The following ETS2 variants were observed in gnomAD, a reference collection of about 807,000 sequenced individuals.
ETS2 encodes the protein protein C-ets-2.
A neutral mutation model predicts 54.9 loss-of-function variants in ETS2; 19 were observed. The observed-to-expected ratio is 0.35, with a 90% CI of 0.24 to 0.51. The LOEUF (loss-of-function observed/expected upper bound fraction) is 0.51. Ranked by LOEUF, ETS2 falls within the 20% of genes least tolerant of loss-of-function variation. ETS2 has a pLI of 0.97. For missense variants in ETS2, 417 were observed against 593.0 expected, an observed-to-expected ratio of 0.70 and a Z score of 3.08; for synonymous variants, 219 against 229.3, an observed-to-expected ratio of 0.95 and a Z score of 0.41.
Position 38,813,033 on chromosome 21 carries a change from T to A in ETS2, c.103T>A (p.Ser35Thr). The A allele has an allele frequency of 6.2e-7, 1 of 1,614,132 alleles. No homozygotes were observed. The highest frequency in any genetic ancestry group is 8.5e-7 in the Non-Finnish European group (1 of 1,179,956). The part of the protein sequence containing the change: ...RQPAFDTFDG[S>T]LFAVFPSLNE... ...GCCAGCCTTTGACACCTTTGATGGGTCCCTGTTTGCTGTTTTTCCTTCTCT... is the reference window on the plus strand; with the variant it reads ...GCCAGCCTTTGACACCTTTGATGGGACCCTGTTTGCTGTTTTTCCTTCTCT... The change falls in exon 3 of 10, where the codon TCC (serine) becomes ACC (threonine). Residue 35 changes from serine to threonine, a missense_variant. Coordinates refer to ENST00000360938, the MANE Select transcript of ETS2 (RefSeq NM_005239.6).
At chr21:38,812,519 G>T (rs187012366) in intron 2 of ETS2, among the ~76,000 whole-genome samples, 1 of 152,332 alleles carries the variant, frequency 6.6e-6, no homozygotes, top group African/African-American at 2.4e-5. Flanking sequence ...CGTGGCTCAC[G>T]CCTGTAATCC....
intron 5 of ETS2, among the ~76,000 whole-genome samples, 160 bp downstream of exon 5, chr21:38,815,141 GCAGT>G (rs1293429116): frequency 6.6e-6 from 1 of 151,904 alleles, no homozygotes; most frequent in African/African-American, 2.4e-5. Flanking sequence ...CAGATATATG[GCAGT>G]GATTATAGAT....
In ETS2 at chr21:38,813,126, C is replaced by A; in HGVS notation, c.184+12C>A. 1.3e-6 allele frequency: 2 copies of A among 1,526,254 alleles called. No homozygotes were observed. Among genetic ancestry groups the A allele is most frequent in the Non-Finnish European group, 1.8e-6 (2 of 1,099,730 alleles). 94.5% of individuals were successfully genotyped at this position (1,526,254 alleles called of 1,614,324 possible). ...TTCCATTTCTCATGGTAATTGGTTC[C>A]TCAGACTTGACAAATTGTGCATGAT... On this transcript the variant is annotated intron_variant, in intron 3 of 9. Transcript: ENST00000360938.
rs2060925431 is a variant in ETS2 at position 38,814,512 on chromosome 21, G to A, written c.304+120G>A. On this transcript the variant is annotated intron_variant, in intron 4 of 9. Transcript: ENST00000360938. The surrounding 1 kb of genome is among the most constrained non-coding windows in gnomAD (Gnocchi z 4.2). ...GTATTCTGCAAAGAGTAGCATGGATGTCGTTAACCTGAGCCAGTTTCTGTT... is the reference window on the plus strand; with the variant it reads ...GTATTCTGCAAAGAGTAGCATGGATATCGTTAACCTGAGCCAGTTTCTGTT... 7.9e-7 allele frequency: 1 copy of A among 1,262,620 alleles called. No homozygotes were observed. The highest frequency in any genetic ancestry group is 1.1e-6 in the Non-Finnish European group (1 of 911,094). 78.2% of individuals were successfully genotyped at this position (1,262,620 alleles called of 1,614,324 possible).
At chr21:38,820,131 G>A (rs549412401) in intron 8 of ETS2, among the ~76,000 whole-genome samples, 18 of 152,330 alleles carry the variant, frequency 1.2e-4, no homozygotes, top group African/African-American at 3.8e-4. Context: ...AGCAGAGCCA[G>A]TCTCAAATAA....
rs1362016995 is a variant in ETS2 at position 38,813,061 on chromosome 21, A to G, written c.131A>G (p.Asn44Ser). The stretch of plus-strand genomic sequence containing the variant: ...CTGTTTGCTGTTTTTCCTTCTCTAA[A>G]TGAAGAGCAAACACTGCAAGAAGTG... ...GSLFAVFPSL[N>S]EEQTLQEVPT... The change falls in exon 3 of 10, where the codon AAT becomes AGT. Residue 44 changes from asparagine (N) to serine (S), a missense_variant. This residue lies in a region of ETS2 where 326 missense variants were observed against 426.1 expected (regional missense o/e 0.76). Coordinates refer to ENST00000360938, the MANE Select transcript of ETS2 (RefSeq NM_005239.6). The G allele has an allele frequency of 1.2e-6, 2 of 1,614,122 alleles. No individual in the cohort carries two copies. The highest frequency in any genetic ancestry group is 1.3e-5 in the African/African-American group (1 of 75,032).
rs1569019608 is a variant in ETS2 at position 38,806,049 on chromosome 21, G to GCCCTCGCCCT, written c.-71_-70insCCTCGCCCTC. ...GCCGGCGCCCTCGCCCTCGCCCGGCGCGCACCGAGCAGCCGCGGGCGCCGA... is the reference window on the plus strand; with the variant it reads ...GCCGGCGCCCTCGCCCTCGCCCGGCGCCCTCGCCCTCGCACCGAGCAGCCGCGGGCGCCGA... On this transcript the variant is annotated 5_prime_UTR_variant, in exon 1 of 10. Transcript: ENST00000360938. The surrounding 1 kb of genome is among the most constrained non-coding windows in gnomAD (Gnocchi z 4.3). The GCCCTCGCCCT allele has an allele frequency of 8.3e-7, 1 of 1,205,744 alleles. No homozygotes were observed. 74.7% of individuals were successfully genotyped at this position (1,205,744 alleles called of 1,614,324 possible). A position where few individuals can be genotyped will look rare whatever the true frequency, so the allele number is the denominator to read the frequency against.
intron 2 of ETS2, among the ~76,000 whole-genome samples, chr21:38,811,380 T>C (rs561408342): frequency 3.9e-4 from 60 of 152,346 alleles, no homozygotes; most frequent in Non-Finnish European, 7.8e-4. Context: ...CAGTTGGTCA[T>C]CATTGACTTG....
At position 38,805,947 on chromosome 21, in the gene ETS2, C is replaced by A; in HGVS notation, c.-174C>A. On this transcript the variant is annotated 5_prime_UTR_variant, in exon 1 of 10. In the 5' UTR this introduces an upstream ATG that the reference lacks. Transcript: ENST00000360938. This position sits in a 1 kb window ranked among gnomAD's most constrained non-coding sequence, Gnocchi z 5.2. ...ACGGCCCGGTTACTTCCTCCAGAGACTGACGAGTGCGGTGTCGCTCCAGCT... is the reference window on the plus strand; with the variant it reads ...ACGGCCCGGTTACTTCCTCCAGAGAATGACGAGTGCGGTGTCGCTCCAGCT... The A allele has an allele frequency of 7.9e-7, 1 of 1,269,342 alleles. No individual in the cohort carries two copies. Among genetic ancestry groups the A allele is most frequent in the Non-Finnish European group, 1.0e-6 (1 of 981,270 alleles). 78.6% of individuals were successfully genotyped at this position (1,269,342 alleles called of 1,614,324 possible).
rs1273946656 is a variant in ETS2 at position 38,817,041 on chromosome 21, A to G, written c.539A>G (p.Glu180Gly). 1.2e-6 allele frequency: 2 copies of G among 1,612,934 alleles called. No homozygotes were observed. The highest frequency in any genetic ancestry group is 2.7e-5 in the African/African-American group (2 of 74,922). The stretch of plus-strand genomic sequence containing the variant: ...GAAAAGACAGAAGATCAATATGAAG[A>G]AAATTCACACCTCACCTCCGTTCCT... ...NQEKTEDQYE[E>G]NSHLTSVPHW... The change falls in exon 6 of 10, where the codon GAA (glutamate) becomes GGA (glycine). Residue 180 changes from glutamate to glycine, a missense_variant. Transcript: ENST00000360938.
At chr21:38,817,439 T>C (rs1012787368) in intron 6 of ETS2, among the ~76,000 whole-genome samples, 1 of 152,250 alleles carries the variant, frequency 6.6e-6, no homozygotes, top group Non-Finnish European at 1.5e-5. Context: ...TTTGCTTTTT[T>C]AATATGGCCA....
chr21:38,822,222 G>A (rs916231075), intron 9 of ETS2, among the ~76,000 whole-genome samples: 6 of 152,214 alleles, frequency 3.9e-5, no homozygotes, highest in African/African-American at 7.2e-5. Flanking sequence ...GCACTGGGGA[G>A]CGTAATCTGT....
In ETS2 at chr21:38,806,596, C is replaced by G. The variant is rs931790211; in HGVS notation, c.-1+476C>G. The stretch of plus-strand genomic sequence containing the variant: ...TGACTTCCTGGAGCGGCGCCGGGCC[C>G]GGAGGATCTGGGGCGCCCAAGACAC... On this transcript the variant is annotated intron_variant, in intron 1 of 9. Transcript: ENST00000360938. The surrounding 1 kb of genome is among the most constrained non-coding windows in gnomAD (Gnocchi z 4.3). The G allele has an allele frequency of 2.0e-6, 2 of 985,280 alleles. No homozygotes were observed. The highest frequency in any genetic ancestry group is 2.4e-6 in the Non-Finnish European group (2 of 829,934). 61.0% of individuals were successfully genotyped at this position (985,280 alleles called of 1,614,324 possible).
chr21:38,814,461 A>C lies in ETS2; in HGVS notation c.304+69A>C. 1 of 1,580,658 alleles carries C rather than the reference A, an allele frequency of 6.3e-7. No individual in the cohort carries two copies. On this transcript the variant is annotated intron_variant, in intron 4 of 9. Coordinates refer to ENST00000360938, the MANE Select transcript of ETS2 (RefSeq NM_005239.6). This position sits in a 1 kb window ranked among gnomAD's most constrained non-coding sequence, Gnocchi z 4.2. ...ACTTCAGTGCAGTTGTTTGATCTTG[A>C]CTTGTTTATTAAGCTTTTGCTTGGG... is the stretch of plus-strand genomic sequence containing the variant.
chr21:38,807,926 C>T (rs1212823192), intron 1 of ETS2, among the ~76,000 whole-genome samples: 1 of 152,192 alleles, frequency 6.6e-6, no homozygotes, highest in African/African-American at 2.4e-5. Context: ...TTTCTTTAAT[C>T]AGCAGCTACC....
chr21:38,815,658 C>G (rs1054143147), intron 5 of ETS2, among the ~76,000 whole-genome samples: 1 of 151,454 alleles, frequency 6.6e-6, no homozygotes, highest in Non-Finnish European at 1.5e-5. Context: ...GGGCCAGGTG[C>G]GGTGGCTCAC....
chr21:38,805,909 C>T (rs2060890116), upstream of ETS2: 4 of 1,236,778 alleles, frequency 3.2e-6, no homozygotes, highest in Admixed American at 5.6e-5. This position sits in a 1 kb window ranked among gnomAD's most constrained non-coding sequence, Gnocchi z 5.2. Flanking sequence ...CTGAAGAGCG[C>T]GCCGCGTGGG....
intron 2 of ETS2, among the ~76,000 whole-genome samples, 153 bp downstream of exon 2, chr21:38,810,259 G>C (rs1315826145): frequency 6.6e-6 from 1 of 152,080 alleles, no homozygotes; most frequent in Non-Finnish European, 1.5e-5. Context: ...TACTTGCTCT[G>C]GTCCTCAGTT....
chr21:38,806,783 C>T lies in ETS2; in HGVS notation c.-1+663C>T, dbSNP rs992808556. On this transcript the variant is annotated intron_variant, in intron 1 of 9. Transcript: ENST00000360938. The surrounding 1 kb of genome is among the most constrained non-coding windows in gnomAD (Gnocchi z 4.3). The stretch of plus-strand genomic sequence containing the variant: ...TTGCGCTGGGCTGCCTTTATTTTCT[C>T]GTTCCTACAGCATTTGAATGAAGAG... 4.1e-6 allele frequency: 4 copies of T among 985,478 alleles called. No individual in the cohort carries two copies. The highest frequency in any genetic ancestry group is 1.1e-4 in the East Asian group (1 of 8,810). The allele number at this position is 985,478 out of a possible 1,614,324, so 61.0% of individuals were successfully genotyped here. A position where few individuals can be genotyped will look rare whatever the true frequency, so the allele number is the denominator to read the frequency against.
Sources: gnomAD v4.1 joint callset for allele counts (sites outside exome capture counted in the v4.1 genomes callset) on GRCh38, gnomAD v4.1.1 for gene constraint, gnomAD v4.1.1 regional missense constraint, Gnocchi (gnomAD v3.1) non-coding constraint, MANE v1.5 for transcripts, NCBI Gene and HGNC (gene_info 2026-07-23, HGNC 2026-07-21) for gene names.